Variants in SLC35C1 observed in about 807,000 individuals in gnomAD.
SLC35C1 encodes the protein GDP-fucose transporter 1.
Under a neutral mutation model 23.2 loss-of-function variants are expected in SLC35C1, and 8 were observed. The ratio of observed to expected loss-of-function variants is 0.35; its 90% CI spans 0.20 to 0.62. The LOEUF (loss-of-function observed/expected upper bound fraction) is 0.62, where lower values mean the gene tolerates loss of function less well. SLC35C1 is among the 20% of genes least tolerant of loss of function. The probability of loss-of-function intolerance (pLI) is 0.75; values close to 1 mark genes in which losing one functional copy is unlikely to be tolerated. For synonymous variants in SLC35C1, 226 were observed against 225.1 expected (o/e 1.00, Z -0.04); for missense variants, 422 against 478.6 (o/e 0.88, Z 1.10).
intron 1 of SLC35C1, chr11:45,810,227 A>G: frequency 3.0e-6 from 3 of 985,440 alleles, no homozygotes; most frequent in Non-Finnish European, 3.6e-6. Context: ...CACTGCCCCA[A>G]ATGACACAAG....
upstream of SLC35C1, chr11:45,804,844 G>T: frequency 1.0e-6 from 1 of 985,870 alleles, no homozygotes. Flanking sequence ...AAGTGGACCT[G>T]CGAGCCAAGC....
At chr11:45,809,021 G>C (rs2085907355) in intron 1 of SLC35C1, among the ~76,000 whole-genome samples, 1 of 152,226 alleles carries the variant, frequency 6.6e-6, no homozygotes, top group East Asian at 1.9e-4. Context: ...AAGAGAAAAA[G>C]AGAAGAGTGC....
chr11:45,805,130 C>A (rs1025516669), upstream of SLC35C1: 8 of 986,480 alleles, frequency 8.1e-6, no homozygotes, highest in Admixed American at 1.2e-4. Flanking sequence ...GTCCAGGGCC[C>A]GCCTCCCGGG....
chr11:45,805,628 T>C lies in SLC35C1; in HGVS notation c.-174T>C. 1.3e-6 allele frequency: 2 copies of C among 1,490,764 alleles called. No homozygotes were observed. The highest frequency in any genetic ancestry group is 1.8e-6 in the Non-Finnish European group (2 of 1,121,040). 92.3% of individuals were successfully genotyped at this position (1,490,764 alleles called of 1,614,324 possible). A position where few individuals can be genotyped will look rare whatever the true frequency, so the allele number is the denominator to read the frequency against. On this transcript the variant is annotated 5_prime_UTR_variant, in exon 1 of 2. Coordinates refer to ENST00000314134, the MANE Select transcript of SLC35C1 (RefSeq NM_018389.5). ...AGGTTGTGGAGCAGCACAACTGGGC[T>C]CACCCCAAAGCAGAACTTCTCAATC...
Position 45,811,438 on chromosome 11 carries a change from G to T in SLC35C1, c.*103G>T. 1.1e-6 allele frequency: 1 copy of T among 934,250 alleles called. No homozygotes were observed. Among genetic ancestry groups the T allele is most frequent in the Non-Finnish European group, 1.5e-6 (1 of 646,566 alleles). 57.9% of individuals were successfully genotyped at this position (934,250 alleles called of 1,614,324 possible). On this transcript the variant is annotated 3_prime_UTR_variant, in exon 2 of 2. Coordinates refer to ENST00000314134, the MANE Select transcript of SLC35C1 (RefSeq NM_018389.5). ...CTGGACCCCAGAAGCGTGCTGTGGT[G>T]TGGACTGGGTGCTACTTATAGACCC...
Position 45,812,587 on chromosome 11 carries a change from C to T in SLC35C1, c.*1252C>T, listed in dbSNP as rs769340620. 1.3e-5 allele frequency: 6 copies of T among 455,960 alleles called. No individual in the cohort carries two copies. Among genetic ancestry groups the T allele is most frequent in the Non-Finnish European group, 2.6e-5 (6 of 226,792 alleles). The allele number at this position is 455,960 out of a possible 1,614,324, so 28.2% of individuals were successfully genotyped here. A position where few individuals can be genotyped will look rare whatever the true frequency, so the allele number is the denominator to read the frequency against. On this transcript the variant is annotated 3_prime_UTR_variant, in exon 2 of 2. Coordinates refer to ENST00000314134, the MANE Select transcript of SLC35C1 (RefSeq NM_018389.5). The stretch of plus-strand genomic sequence containing the variant: ...CTCGCTGTATCCTCAATGGTAGAAG[C>T]ACAAACAAGCAAGCTCCTTCCTGCC...
intron 1 of SLC35C1, 138 bp from the exon 2 acceptor site, chr11:45,810,638 T>C (rs902443585): frequency 3.5e-6 from 5 of 1,445,646 alleles, no homozygotes; most frequent in Non-Finnish European, 3.6e-6. Flanking sequence ...CTGTGCTTAT[T>C]GGAGGGAGGC....
chr11:45,806,007 G>T lies in SLC35C1; in HGVS notation c.206G>T (p.Arg69Leu), dbSNP rs754269698. The change falls in exon 1 of 2, where the codon CGG becomes CTG. Residue 69 changes from arginine to leucine, a missense_variant. Physicochemically the swap from Arg to Leu is moderately radical, Grantham distance 102 (BLOSUM62 -2). Coordinates refer to ENST00000314134, the MANE Select transcript of SLC35C1 (RefSeq NM_018389.5). ...TACCTGCTGGACAGCCCCTCCCTGC[G>T]GCTGGACACCCCCATCTTCGTCACC... The part of the protein sequence containing the change: ...NKYLLDSPSL[R>L]LDTPIFVTFY... 6 of 1,613,958 alleles carry T rather than the reference G, an allele frequency of 3.7e-6. No individual in the cohort carries two copies. The highest frequency in any genetic ancestry group is 5.1e-6 in the Non-Finnish European group (6 of 1,180,012).
chr11:45,809,616 A>G (rs1469832226), intron 1 of SLC35C1, among the ~76,000 whole-genome samples: 1 of 152,104 alleles, frequency 6.6e-6, no homozygotes, highest in Admixed American at 6.6e-5. Context: ...CAAGGTGGAG[A>G]GTAGATTGGC....
At position 45,805,927 on chromosome 11, in the gene SLC35C1, G is replaced by T; in HGVS notation, c.126G>T (p.Ala42=). The change falls in exon 1 of 2, where the codon GCG becomes GCT. Residue 42 remains alanine, a synonymous_variant. Transcript: ENST00000314134. ...KPFLLRALQI[A]LVVSLYWVTS... ...TTCTGCTGCGGGCATTGCAGATCGC[G>T]CTGGTGGTCTCCCTCTACTGGGTCA... 6.2e-7 allele frequency: 1 copy of T among 1,614,186 alleles called. No individual in the cohort carries two copies. Among genetic ancestry groups the T allele is most frequent in the East Asian group, 2.2e-5 (1 of 44,880 alleles).
In SLC35C1 at chr11:45,806,483, G is replaced by A. The variant is rs1590743946; in HGVS notation, c.535+147G>A. 3.5e-6 allele frequency: 4 copies of A among 1,154,742 alleles called. No individual in the cohort carries two copies. In the East Asian group the frequency reaches 1.0e-4, roughly 30 times the overall value. 71.5% of individuals were successfully genotyped at this position (1,154,742 alleles called of 1,614,324 possible). A position where few individuals can be genotyped will look rare whatever the true frequency, so the allele number is the denominator to read the frequency against. On this transcript the variant is annotated intron_variant, in intron 1 of 1. Transcript: ENST00000314134. ...GAGAAAGAGCCTGGGGGCACAGAGA[G>A]AGCAAGTAACTTACTAAAGGTCACC...
In SLC35C1 at chr11:45,812,690, A is replaced by G. The variant is rs1039927581; in HGVS notation, c.*1355A>G. 9 of 455,290 alleles carry G rather than the reference A, an allele frequency of 2.0e-5. No individual in the cohort carries two copies. Among genetic ancestry groups the G allele is most frequent in the Non-Finnish European group, 3.5e-5 (8 of 226,454 alleles). 28.2% of individuals were successfully genotyped at this position (455,290 alleles called of 1,614,324 possible). On this transcript the variant is annotated 3_prime_UTR_variant, in exon 2 of 2. Coordinates refer to ENST00000314134, the MANE Select transcript of SLC35C1 (RefSeq NM_018389.5). Reference sequence around the variant, plus strand: ...ATCAGCTCCAAAGGCCCCACCTCCTAATACTGTCACCTTGGGGGTGAGAAT... The same window carrying G: ...ATCAGCTCCAAAGGCCCCACCTCCTGATACTGTCACCTTGGGGGTGAGAAT...
chr11:45,806,066 A>G lies in SLC35C1; in HGVS notation c.265A>G (p.Lys89Glu). The G allele has an allele frequency of 1.2e-6, 2 of 1,612,948 alleles. No individual in the cohort carries two copies. The highest frequency in any genetic ancestry group is 3.3e-4 in the Middle Eastern group (2 of 6,062). ...YQCLVTTLLC[K>E]GLSALAACCP... Reference sequence around the variant, plus strand: ...GTGCCTGGTGACCACGCTGCTGTGCAAAGGCCTCAGCGCTCTGGCCGCCTG... The same window carrying G: ...GTGCCTGGTGACCACGCTGCTGTGCGAAGGCCTCAGCGCTCTGGCCGCCTG... Residue 89 changes from lysine (K) to glutamate (E), a missense_variant, in exon 1 of 2, where the codon AAA (lysine) becomes GAA (glutamate). By Grantham distance (56) the Lys-to-Glu change is moderately conservative. Coordinates refer to ENST00000314134, the MANE Select transcript of SLC35C1 (RefSeq NM_018389.5).
chr11:45,809,889 A>G (rs1489714351), intron 1 of SLC35C1: 2 of 985,452 alleles, frequency 2.0e-6, no homozygotes, highest in Non-Finnish European at 2.4e-6. Flanking sequence ...CAGAGCAGGC[A>G]AGGGGCTTTG....
At chr11:45,804,645 G>A (rs2134587262), upstream of SLC35C1, 1 of 985,844 alleles carries the variant, frequency 1.0e-6, no homozygotes, top group Non-Finnish European at 1.2e-6. Flanking sequence ...GGGGAGCGCT[G>A]CCGGGGGTCT....
At position 45,805,582 on chromosome 11, in the gene SLC35C1, G is replaced by A. The variant is rs1346952111; in HGVS notation, c.-220G>A. 1.0e-5 allele frequency: 15 copies of A among 1,454,298 alleles called. No homozygotes were observed. The highest frequency in any genetic ancestry group is 1.4e-5 in the Non-Finnish European group (15 of 1,104,502). 90.1% of individuals were successfully genotyped at this position (1,454,298 alleles called of 1,614,324 possible). On this transcript the variant is annotated 5_prime_UTR_variant, in exon 1 of 2. Coordinates refer to ENST00000314134, the MANE Select transcript of SLC35C1 (RefSeq NM_018389.5). Reference sequence around the variant, plus strand: ...CTCCCTTGCCCTGTGTCTTGTCTCAGAGCCCCCTCGGGGTGGGAGTAGGTT... The same window carrying A: ...CTCCCTTGCCCTGTGTCTTGTCTCAAAGCCCCCTCGGGGTGGGAGTAGGTT...
rs774128155 is a variant in SLC35C1, at chr11:45,806,174, A to G, written c.373A>G (p.Ile125Val). Reference protein sequence around the residue: ...RSVLPLSVVFIGMITFNNLCL... With the variant: ...RSVLPLSVVFVGMITFNNLCL... ...CGTCCTGCCCCTGTCGGTGGTCTTC[A>G]TCGGCATGATCACCTTCAATAACCT... Residue 125 changes from isoleucine (I) to valine (V), a missense_variant, in exon 1 of 2, where the codon ATC becomes GTC. By Grantham distance (29) the Ile-to-Val change is conservative. Coordinates refer to ENST00000314134, the MANE Select transcript of SLC35C1 (RefSeq NM_018389.5). 1.2e-6 allele frequency: 2 copies of G among 1,605,348 alleles called. No homozygotes were observed. The highest frequency in any genetic ancestry group is 3.3e-5 in the Admixed American group (2 of 60,006).
At position 45,809,908 on chromosome 11, in the gene SLC35C1, C is replaced by T. The variant is rs141629352; in HGVS notation, c.536-868C>T. The T allele has an allele frequency of 1.4e-3, 1,397 of 985,356 alleles. 8 individuals are homozygous for T. The Middle Eastern group carries it at 0.018, about 13-fold the overall frequency. 61.0% of individuals were successfully genotyped at this position (985,356 alleles called of 1,614,324 possible). On this transcript the variant is annotated intron_variant, in intron 1 of 1. Coordinates refer to ENST00000314134, the MANE Select transcript of SLC35C1 (RefSeq NM_018389.5). ...GCAGGCAAGGGGCTTTGCAGGAAAGCGAGGCAGTAAGAGTCCAGGTTCTGG... is the reference window on the plus strand; with the variant it reads ...GCAGGCAAGGGGCTTTGCAGGAAAGTGAGGCAGTAAGAGTCCAGGTTCTGG...
In SLC35C1 at chr11:45,812,274, C is replaced by T. The variant is rs1423610680; in HGVS notation, c.*939C>T. The T allele has an allele frequency of 1.4e-5, 4 of 289,780 alleles. No homozygotes were observed. The highest frequency in any genetic ancestry group is 2.8e-5 in the Non-Finnish European group (4 of 142,462). 18.0% of individuals were successfully genotyped at this position (289,780 alleles called of 1,614,324 possible). A position where few individuals can be genotyped will look rare whatever the true frequency, so the allele number is the denominator to read the frequency against. ...AGCCTTCCACCCCAGCTGTGTCTGGCGCCCCTAGATCTCTGCAAGGGAGGT... is the reference window on the plus strand; with the variant it reads ...AGCCTTCCACCCCAGCTGTGTCTGGTGCCCCTAGATCTCTGCAAGGGAGGT... On this transcript the variant is annotated 3_prime_UTR_variant, in exon 2 of 2. Transcript: ENST00000314134.
Sources: gnomAD v4.1 joint callset for allele counts (sites outside exome capture counted in the v4.1 genomes callset) on GRCh38, gnomAD v4.1.1 for gene constraint, MANE v1.5 for transcripts, NCBI Gene and HGNC (gene_info 2026-07-23, HGNC 2026-07-21) for gene names.